Variants in COL21A1 observed in about 807,000 individuals in gnomAD.
The protein encoded by COL21A1 is collagen alpha-1(XXI) chain.
Under a neutral mutation model 137.9 loss-of-function variants are expected in COL21A1, and 149 were observed. That is an observed-to-expected ratio of 1.08 (90% CI 0.95 to 1.24). COL21A1 has a LOEUF of 1.24. Among genes scored for constraint, COL21A1 ranks in the 50% most tolerant of loss-of-function variants. The pLI is 0.00. For missense variants in COL21A1, 1,167 were observed against 1,158.4 expected (o/e 1.01, Z -0.11); for synonymous variants, 456 against 391.5 (o/e 1.16, Z -1.95).
At chr6:56,125,824 C>T (rs1398760404) in intron 13 of COL21A1, among the ~76,000 whole-genome samples, 1 of 151,856 alleles carries the variant, frequency 6.6e-6, no homozygotes. Context: ...AGTGCTATAA[C>T]AAGGCTTATA....
At chr6:56,306,225 C>T (rs1274815981) in intron 1 of COL21A1, among the ~76,000 whole-genome samples, 12 of 141,092 alleles carry the variant, frequency 8.5e-5, no homozygotes, top group African/African-American at 2.8e-4. Flanking sequence ...TTGCTCTTCT[C>T]GAGGAGTATC....
intron 1 of COL21A1, among the ~76,000 whole-genome samples, chr6:56,357,570 T>A (rs1012001178): frequency 6.6e-6 from 1 of 152,240 alleles, no homozygotes; most frequent in Non-Finnish European, 1.5e-5. Flanking sequence ...CCACATCCTG[T>A]ACCAAAATCA....
At chr6:56,063,981 C>T (rs1010023391) in intron 24 of COL21A1, among the ~76,000 whole-genome samples, 1 of 152,080 alleles carries the variant, frequency 6.6e-6, no homozygotes, top group African/African-American at 2.4e-5. Context: ...TTTGTCCGTC[C>T]ACTTTGGCTC....
chr6:56,303,513 C>G (rs1002552424), intron 1 of COL21A1, among the ~76,000 whole-genome samples: 2 of 152,138 alleles, frequency 1.3e-5, no homozygotes, highest in Non-Finnish European at 2.9e-5. Context: ...GGAGTTCACT[C>G]ATGATTTGAC....
intron 1 of COL21A1, among the ~76,000 whole-genome samples, chr6:56,393,809 G>T (rs1208054654): frequency 6.6e-6 from 1 of 152,176 alleles, no homozygotes; most frequent in Non-Finnish European, 1.5e-5. Flanking sequence ...ACTCCTACTG[G>T]CGGACCTGGC....
chr6:56,337,895 C>T (rs1469605704), intron 1 of COL21A1, among the ~76,000 whole-genome samples: 1 of 151,764 alleles, frequency 6.6e-6, no homozygotes, highest in Middle Eastern at 3.2e-3. Context: ...TAATGCTCAT[C>T]TCTTCCCTTA....
chr6:56,358,966 T>G (rs1436118612), intron 1 of COL21A1, among the ~76,000 whole-genome samples: 1 of 152,158 alleles, frequency 6.6e-6, no homozygotes, highest in Admixed American at 6.5e-5. Flanking sequence ...GATGTTTGGT[T>G]AAAGCTTGGC....
chr6:56,255,162 G>A (rs112542400), intron 1 of COL21A1, among the ~76,000 whole-genome samples: 174 of 152,048 alleles, frequency 1.1e-3, no homozygotes, highest in African/African-American at 3.6e-3. Context: ...CTGTGGGGTC[G>A]GTCAAGTCAT....
chr6:56,270,397 G>A (rs574455965), intron 1 of COL21A1, among the ~76,000 whole-genome samples: 6 of 152,206 alleles, frequency 3.9e-5, no homozygotes, highest in African/African-American at 7.2e-5. Flanking sequence ...ACCTGACATC[G>A]GAGCACCCAG....
intron 17 of COL21A1, among the ~76,000 whole-genome samples, chr6:56,084,329 C>A (rs1335817136): frequency 6.6e-6 from 1 of 151,516 alleles, no homozygotes; most frequent in Non-Finnish European, 1.5e-5. Context: ...GGTAAATGTT[C>A]ATATTACAAA....
chr6:56,322,442 G>T (rs1764891610), intron 1 of COL21A1, among the ~76,000 whole-genome samples: 1 of 152,102 alleles, frequency 6.6e-6, no homozygotes, highest in Non-Finnish European at 1.5e-5. Context: ...GGAGAATGCA[G>T]AAAATGCTTT....
At chr6:56,201,298 C>T (rs1433787079) in intron 1 of COL21A1, among the ~76,000 whole-genome samples, 1 of 152,088 alleles carries the variant, frequency 6.6e-6, no homozygotes, top group East Asian at 1.9e-4. Flanking sequence ...TGCAGAAGCT[C>T]TTTAGTTTAA....
chr6:56,179,700 T>C lies in COL21A1; in HGVS notation c.518A>G (p.Glu173Gly). ...ITLFAIGVGS[E>G]TEDAELRAIA... ...AGCTCTAAGTTCGGCATCTTCTGTT[T>C]CTGAACCAACACCAATAGCAAATAA... is the stretch of plus-strand genomic sequence containing the variant. The change falls in exon 3 of 30, where the codon GAA (glutamate) becomes GGA (glycine). Residue 173 changes from glutamate (E) to glycine (G), a missense_variant. Glu to Gly is a moderately conservative substitution (Grantham distance 98). Transcript: ENST00000244728. 6.2e-7 allele frequency: 1 copy of C among 1,613,990 alleles called. No individual in the cohort carries two copies. Among genetic ancestry groups the C allele is most frequent in the Non-Finnish European group, 8.5e-7 (1 of 1,179,888 alleles).
chr6:56,366,709 C>T (rs2152349435), intron 1 of COL21A1, among the ~76,000 whole-genome samples: 1 of 152,316 alleles, frequency 6.6e-6, no homozygotes, highest in Non-Finnish European at 1.5e-5. Flanking sequence ...AGGCCAACAC[C>T]TCTCAAAAGG....
intron 1 of COL21A1, among the ~76,000 whole-genome samples, chr6:56,189,269 T>C (rs141456180): frequency 0.024 from 3,658 of 151,790 alleles, 84 homozygotes; most frequent in East Asian, 0.074. Context: ...TAGAGAAGAA[T>C]ATAAATGACC....
Position 56,060,156 on chromosome 6 carries a change from G to A in COL21A1, c.2470C>T (p.His824Tyr). 1.9e-6 allele frequency: 3 copies of A among 1,611,312 alleles called. No individual in the cohort carries two copies. The highest frequency in any genetic ancestry group is 2.5e-6 in the Non-Finnish European group (3 of 1,179,164). The change falls in exon 28 of 30, where the codon CAT becomes TAT. Residue 824 changes from histidine (H) to tyrosine (Y), a missense_variant. Transcript: ENST00000244728. ...GGCCCAGGAATACCCGGGGAGCCAT[G>A]TTGGGACAGGCAATGATCACAATTT... ...IRNCDHCLSQ[H>Y]GSPGIPGPPG...
chr6:56,371,601 G>C (rs541126187), intron 1 of COL21A1, among the ~76,000 whole-genome samples: 2 of 152,286 alleles, frequency 1.3e-5, no homozygotes, highest in African/African-American at 4.8e-5. Flanking sequence ...AGGGCAGTTT[G>C]AGTAGAGGGG....
intron 1 of COL21A1, among the ~76,000 whole-genome samples, chr6:56,314,244 A>G (rs1764678471): frequency 6.6e-6 from 1 of 152,128 alleles, no homozygotes; most frequent in South Asian, 2.1e-4. Flanking sequence ...TGGCCTCCCA[A>G]AGTGCTGGGA....
chr6:56,289,864 T>C (rs1763999559), intron 1 of COL21A1, among the ~76,000 whole-genome samples: 1 of 152,252 alleles, frequency 6.6e-6, no homozygotes, highest in East Asian at 1.9e-4. Context: ...AACTGCCTGA[T>C]GTTTGCAACC....
Sources: gnomAD v4.1 joint callset for allele counts (sites outside exome capture counted in the v4.1 genomes callset) on GRCh38, gnomAD v4.1.1 for gene constraint, MANE v1.5 for transcripts, NCBI Gene and HGNC (gene_info 2026-07-23, HGNC 2026-07-21) for gene names.